The following ENKUR variants were observed in gnomAD, a reference collection of about 807,000 sequenced individuals.
ENKUR encodes enkurin.
In ENKUR, 19 loss-of-function variants were observed where a neutral mutation model predicts 27.6. That is an observed-to-expected ratio of 0.69 (90% CI 0.48 to 1.01). The LOEUF is 1.01. ENKUR is among the 50% of genes least tolerant of loss of function. The pLI is 0.00. For synonymous variants in ENKUR, 117 were observed against 96.9 expected, an observed-to-expected ratio of 1.21 and a Z score of -1.22; for missense variants, 312 against 310.5, an observed-to-expected ratio of 1.00 and a Z score of -0.04.
Position 24,984,394 on chromosome 10 carries a change from A to AAAAG in ENKUR, c.765-19_765-18insCTTT. The stretch of plus-strand genomic sequence containing the variant: ...ATCATGCGCTGCAGAAAAAAAAAAA[A>AAAAG]AAAAGTGAAGTTCTGAGTGCTGACT... On this transcript the variant is annotated intron_variant, in intron 5 of 5. Transcript: ENST00000331161. 1 of 1,599,312 alleles carries AAAAG rather than the reference A, an allele frequency of 6.3e-7. No homozygotes were observed. Among genetic ancestry groups the AAAAG allele is most frequent in the Non-Finnish European group, 8.5e-7 (1 of 1,176,648 alleles).
Position 25,035,920 on chromosome 10 carries a change from C to T in ENKUR, c.37+25192G>A, listed in dbSNP as rs144764670. ...GTTCACTGCACTTAAAGATCACACACTTTGGGTGAACAAGTTTCTTTTTCA... is the reference window on the plus strand; with the variant it reads ...GTTCACTGCACTTAAAGATCACACATTTTGGGTGAACAAGTTTCTTTTTCA... On this transcript the variant is annotated intron_variant, in intron 2 of 5. Coordinates refer to the ENKUR transcript ENST00000615958. Among the ~76,000 whole-genome samples, 203 of 152,292 alleles carry T rather than the reference C, an allele frequency of 1.3e-3. 1 individual carries two copies. The highest frequency in any genetic ancestry group is 4.5e-3 in the African/African-American group (189 of 41,560).
upstream of ENKUR, among the ~76,000 whole-genome samples, chr10:25,020,071 C>G (rs79307167): frequency 6.6e-6 from 1 of 151,880 alleles, no homozygotes; most frequent in Non-Finnish European, 1.5e-5. Context: ...TTAAATGTTA[C>G]AAAATAAAAT....
At chr10:24,997,989 C>G (rs1174617356) in intron 2 of ENKUR, among the ~76,000 whole-genome samples, 1 of 152,040 alleles carries the variant, frequency 6.6e-6, no homozygotes, top group African/African-American at 2.4e-5. Context: ...CAGGCCAAGA[C>G]TAGAGGAAGA....
At chr10:25,016,871 C>G (rs373289200), upstream of ENKUR, 1 of 152,696 alleles carries the variant, frequency 6.5e-6, no homozygotes, top group African/African-American at 2.4e-5. Context: ...CGTCCCTTCC[C>G]CTTTCCGCTA....
chr10:25,033,560 T>A (rs1337615435), intron 2 of ENKUR, among the ~76,000 whole-genome samples: 1 of 152,128 alleles, frequency 6.6e-6, no homozygotes, highest in African/African-American at 2.4e-5. Flanking sequence ...TTCCCAAACT[T>A]CTTTATCAAG....
chr10:25,035,232 C>T (rs1197645785), intron 2 of ENKUR, among the ~76,000 whole-genome samples: 1 of 152,162 alleles, frequency 6.6e-6, no homozygotes, highest in Non-Finnish European at 1.5e-5. Context: ...GCTAATCATG[C>T]TTGTAAGAGA....
chr10:25,032,120 T>A (rs1483279250), intron 2 of ENKUR, among the ~76,000 whole-genome samples: 1 of 152,220 alleles, frequency 6.6e-6, no homozygotes, highest in African/African-American at 2.4e-5. Flanking sequence ...TATTCCCATT[T>A]AATTTTCAAG....
In ENKUR at chr10:24,983,755, G is replaced by A. The variant is rs180840520; in HGVS notation, c.*615C>T. On this transcript the variant is annotated 3_prime_UTR_variant, in exon 6 of 6. Coordinates refer to ENST00000331161, the MANE Select transcript of ENKUR (RefSeq NM_145010.4). Reference sequence around the variant, plus strand: ...TGTTGTCCAGAGGATAAAAACCAGTGTAAGCAGTAGAAATTGTTATTTCTC... The same window carrying A: ...TGTTGTCCAGAGGATAAAAACCAGTATAAGCAGTAGAAATTGTTATTTCTC... 73 of 152,234 alleles carry A rather than the reference G, an allele frequency of 4.8e-4. No individual in the cohort carries two copies. Among genetic ancestry groups the A allele is most frequent in the African/African-American group, 1.7e-3 (72 of 41,534 alleles). 9.4% of individuals were successfully genotyped at this position (152,234 alleles called of 1,614,324 possible).
intron 2 of ENKUR, among the ~76,000 whole-genome samples, chr10:25,033,401 CAAAAAAAAAAAAAA>C (rs34472195): frequency 1.7e-4 from 10 of 59,994 alleles, no homozygotes; most frequent in African/African-American, 6.6e-4. Flanking sequence ...AAGACCTCGT[CAAAAAAAAAAAAAA>C]AAAAAAAAAA....
At chr10:25,016,855 C>A, upstream of ENKUR, 1 of 152,728 alleles carries the variant, frequency 6.5e-6, no homozygotes. Flanking sequence ...ATGCCTTTCC[C>A]CGTACCGTCC....
At chr10:25,033,608 C>CA (rs2130458977) in intron 2 of ENKUR, among the ~76,000 whole-genome samples, 1 of 151,978 alleles carries the variant, frequency 6.6e-6, no homozygotes, top group Non-Finnish European at 1.5e-5. Context: ...GGAAACAGTT[C>CA]AAAAATATTG....
chr10:25,033,050 C>T (rs760999098), intron 2 of ENKUR, among the ~76,000 whole-genome samples: 3 of 152,004 alleles, frequency 2.0e-5, no homozygotes, highest in African/African-American at 4.8e-5. Context: ...GTGATACTGA[C>T]GTCAACTACT....
rs1240725265 is a variant in ENKUR, at chr10:24,983,763, T to C, written c.*607A>G. 1.3e-5 allele frequency: 2 copies of C among 152,226 alleles called. No individual in the cohort carries two copies. The highest frequency in any genetic ancestry group is 4.8e-5 in the African/African-American group (2 of 41,474). The allele number at this position is 152,226 out of a possible 1,614,324, so 9.4% of individuals were successfully genotyped here. A position where few individuals can be genotyped will look rare whatever the true frequency, so the allele number is the denominator to read the frequency against. On this transcript the variant is annotated 3_prime_UTR_variant, in exon 6 of 6. Coordinates refer to ENST00000331161, the MANE Select transcript of ENKUR (RefSeq NM_145010.4). The stretch of plus-strand genomic sequence containing the variant: ...AGAGGATAAAAACCAGTGTAAGCAG[T>C]AGAAATTGTTATTTCTCTGATATTT...
chr10:25,024,947 A>G lies in ENKUR; in HGVS notation c.38-29078T>C, dbSNP rs565199033. On this transcript the variant is annotated intron_variant, in intron 2 of 5. Coordinates refer to the ENKUR transcript ENST00000615958. ...CTCAAATCTTCAAACCTAGAACGAC[A>G]TTTACACTTGATGGCTAATAAAGAT... 50 of 1,614,120 alleles carry G rather than the reference A, an allele frequency of 3.1e-5. No homozygotes were observed. The highest frequency in any genetic ancestry group is 1.6e-4 in the Middle Eastern group (1 of 6,062).
At chr10:25,003,536 T>C (rs551450321) in intron 1 of ENKUR, among the ~76,000 whole-genome samples, 5 of 152,242 alleles carry the variant, frequency 3.3e-5, no homozygotes, top group Non-Finnish European at 5.9e-5. Context: ...GAATTGCAAC[T>C]AGATTTTTAA....
chr10:25,009,646 T>C (rs949780040), intron 1 of ENKUR, among the ~76,000 whole-genome samples: 2 of 152,124 alleles, frequency 1.3e-5, no homozygotes, highest in Non-Finnish European at 2.9e-5. Flanking sequence ...CCCATCCAAA[T>C]CTCATCTTGA....
chr10:25,059,132 CT>C (rs759162602), intron 2 of ENKUR, among the ~76,000 whole-genome samples: 11,496 of 120,358 alleles, frequency 0.096, 1,359 homozygotes, highest in African/African-American at 0.34. Flanking sequence ...CTTTTTCTTT[CT>C]TTTTTTTTTT....
At chr10:25,017,387 C>G (rs1412076424), upstream of ENKUR, among the ~76,000 whole-genome samples, 2 of 152,048 alleles carry the variant, frequency 1.3e-5, no homozygotes, top group Non-Finnish European at 2.9e-5. Flanking sequence ...ATGGATGCCT[C>G]TGAACCACCG....
intron 3 of ENKUR, among the ~76,000 whole-genome samples, chr10:24,991,875 T>C (rs1317164751): frequency 6.6e-6 from 1 of 152,198 alleles, no homozygotes; most frequent in East Asian, 1.9e-4. Flanking sequence ...CCACTGCGGC[T>C]TCAGGAGCTG....
Sources: allele counts gnomAD v4.1 joint callset (sites outside exome capture counted in the v4.1 genomes callset), GRCh38; gene constraint gnomAD v4.1.1; transcripts MANE v1.5; gene names NCBI Gene and HGNC (gene_info 2026-07-23, HGNC 2026-07-21).